LNX1: variants seen among roughly 807,000 people sequenced by gnomAD.
LNX1 encodes the protein ligand of numb-protein X 1, also known as E3 ubiquitin-protein ligase LNX.
A neutral mutation model predicts 68.4 loss-of-function variants in LNX1; 54 were observed. The ratio of observed to expected loss-of-function variants is 0.79; its 90% CI spans 0.63 to 0.99. The LOEUF (loss-of-function observed/expected upper bound fraction) is 0.99. Ranked by LOEUF, LNX1 falls within the 50% of genes least tolerant of loss-of-function variation. The probability of loss-of-function intolerance (pLI) is 0.00; values close to 1 mark genes in which losing one functional copy is unlikely to be tolerated. For synonymous variants in LNX1, 336 were observed against 350.0 expected (o/e 0.96, Z 0.45); for missense variants, 906 against 926.4 (o/e 0.98, Z 0.29).
chr4:53,483,562 T>C (rs1467578623), intron 6 of LNX1, among the ~76,000 whole-genome samples: 1 of 152,218 alleles, frequency 6.6e-6, no homozygotes, highest in Non-Finnish European at 1.5e-5. Flanking sequence ...CCAGCTGACC[T>C]CATTTATCAC....
intron 3 of LNX1, 141 bp from the exon 4 acceptor site, chr4:53,507,610 A>G: frequency 1.0e-6 from 1 of 986,458 alleles, no homozygotes; most frequent in East Asian, 2.6e-5. Flanking sequence ...GCTTACCTGT[A>G]TTTTTTAAGT....
chr4:53,569,406 A>G (rs1730967977), intron 2 of LNX1, among the ~76,000 whole-genome samples: 1 of 133,542 alleles, frequency 7.5e-6, no homozygotes, highest in Non-Finnish European at 1.6e-5. Context: ...AAAACAAGCA[A>G]TGGGGAAAGG....
chr4:53,468,795 C>CATATATATA (rs1722906297), intron 9 of LNX1, among the ~76,000 whole-genome samples: 1 of 152,158 alleles, frequency 6.6e-6, no homozygotes, highest in Non-Finnish European at 1.5e-5. Flanking sequence ...GCTAACTATC[C>CATATATATA]TAAATATATA....
intron 2 of LNX1, among the ~76,000 whole-genome samples, chr4:53,569,939 A>G (rs1170060276): frequency 1.3e-5 from 2 of 151,982 alleles, no homozygotes; most frequent in African/African-American, 4.8e-5. Context: ...GCCATCAGAG[A>G]AATGCAAATC....
chr4:53,576,466 C>T, intron 1 of LNX1: 1 of 1,375,656 alleles, frequency 7.3e-7, no homozygotes, highest in South Asian at 2.1e-5. Flanking sequence ...TGACTCTTCC[C>T]AGGACAGCCC....
chr4:53,515,543 C>T (rs190008629), intron 2 of LNX1, among the ~76,000 whole-genome samples: 20 of 151,936 alleles, frequency 1.3e-4, no homozygotes, highest in African/African-American at 4.1e-4. Flanking sequence ...ACAAGAAGAC[C>T]GACTTAAGAA....
intron 2 of LNX1, among the ~76,000 whole-genome samples, chr4:53,528,033 A>G (rs1432414839): frequency 2.6e-5 from 4 of 152,178 alleles, no homozygotes; most frequent in Non-Finnish European, 2.9e-5. Context: ...TAATACTCAG[A>G]ATTCAGGATT....
At chr4:53,564,336 C>G (rs1025304639) in intron 2 of LNX1, among the ~76,000 whole-genome samples, 1 of 152,154 alleles carries the variant, frequency 6.6e-6, no homozygotes, top group South Asian at 2.1e-4. Context: ...CTAGCCCTTC[C>G]CCTTCCCCAC....
At chr4:53,486,193 T>C (rs1177317536) in intron 6 of LNX1, among the ~76,000 whole-genome samples, 1 of 152,176 alleles carries the variant, frequency 6.6e-6, no homozygotes, top group East Asian at 1.9e-4. Context: ...TTTTCCGCCC[T>C]GCGCCAGTTC....
chr4:53,619,759 CTA>C (rs1733800495), upstream of LNX1, among the ~76,000 whole-genome samples: 1 of 152,078 alleles, frequency 6.6e-6, no homozygotes, highest in Admixed American at 6.5e-5. Context: ...CATGGTAATT[CTA>C]TGTTTAATTT....
chr4:53,475,316 T>C (rs1249058311), intron 9 of LNX1, among the ~76,000 whole-genome samples: 1 of 152,042 alleles, frequency 6.6e-6, no homozygotes, highest in Non-Finnish European at 1.5e-5. Flanking sequence ...AAAGTCATAC[T>C]CTCTACTTTC....
chr4:53,567,669 G>A (rs1730795200), intron 2 of LNX1, among the ~76,000 whole-genome samples: 1 of 152,006 alleles, frequency 6.6e-6, no homozygotes, highest in Non-Finnish European at 1.5e-5. Flanking sequence ...AGGAAATAGA[G>A]ACACAAAAAA....
intron 6 of LNX1, among the ~76,000 whole-genome samples, chr4:53,482,413 C>T (rs999218989): frequency 2.3e-4 from 35 of 152,178 alleles, no homozygotes; most frequent in Admixed American, 1.2e-3. Flanking sequence ...TAATCAAAAT[C>T]CTTTACCTTC....
At chr4:53,563,331 C>G (rs1271512585) in intron 2 of LNX1, among the ~76,000 whole-genome samples, 1 of 152,204 alleles carries the variant, frequency 6.6e-6, no homozygotes, top group Non-Finnish European at 1.5e-5. Context: ...CCCATACAAG[C>G]AGCCACCAGC....
At chr4:53,563,252 T>C (rs569439734) in intron 2 of LNX1, among the ~76,000 whole-genome samples, 3 of 152,240 alleles carry the variant, frequency 2.0e-5, no homozygotes, top group Admixed American at 2.0e-4. Flanking sequence ...TGCATATTTA[T>C]TGAGTAAAGT....
At chr4:53,507,531 A>T in intron 3 of LNX1, 62 bp from the exon 4 acceptor site, 1 of 1,535,650 alleles carries the variant, frequency 6.5e-7, no homozygotes, top group Non-Finnish European at 9.0e-7. Flanking sequence ...ATTTATGTAC[A>T]TATCTGATAA....
intron 2 of LNX1, among the ~76,000 whole-genome samples, chr4:53,544,756 T>G (rs1268396692): frequency 2.0e-5 from 3 of 152,232 alleles, no homozygotes; most frequent in Non-Finnish European, 4.4e-5. Flanking sequence ...ATAATGCCCA[T>G]GCGCCAGGCA....
At chr4:53,556,880 G>C (rs1729950378) in intron 2 of LNX1, among the ~76,000 whole-genome samples, 1 of 152,196 alleles carries the variant, frequency 6.6e-6, no homozygotes, top group African/African-American at 2.4e-5. Flanking sequence ...AAGCTTTTCT[G>C]ATCTGAACTC....
At chr4:53,502,909 T>C (rs1468177236) in intron 4 of LNX1, among the ~76,000 whole-genome samples, 1 of 150,302 alleles carries the variant, frequency 6.7e-6, no homozygotes, top group East Asian at 2.0e-4. Context: ...AGTTTTATTA[T>C]GAGATTGCAA....
Sources: gnomAD v4.1 joint callset for allele counts (sites outside exome capture counted in the v4.1 genomes callset) on GRCh38, gnomAD v4.1.1 for gene constraint, MANE v1.5 for transcripts, NCBI Gene and HGNC (gene_info 2026-07-23, HGNC 2026-07-21) for gene names.